The following EFNA5 variants were observed in gnomAD, a reference collection of about 807,000 sequenced individuals.
The protein encoded by EFNA5 is ephrin-A5.
EFNA5 carries 5 observed loss-of-function variants against 22.9 expected under a neutral mutation model. That is an observed-to-expected ratio of 0.22 (90% CI 0.11 to 0.46). EFNA5 has a LOEUF of 0.46. Among genes scored for constraint, EFNA5 ranks in the 20% least tolerant of loss-of-function variants. EFNA5 has a pLI of 0.99. For synonymous variants in EFNA5, 113 were observed against 112.2 expected, an observed-to-expected ratio of 1.01 and a Z score of -0.04; for missense variants, 237 against 293.3, an observed-to-expected ratio of 0.81 and a Z score of 1.40.
chr5:107,670,030 TA>T (rs67814628), intron 1 of EFNA5, among the ~76,000 whole-genome samples: 22,149 of 116,264 alleles, frequency 0.19, 2,016 homozygotes, highest in South Asian at 0.34. Context: ...AAATTAAAAT[TA>T]AAAAAAAAAA....
intron 1 of EFNA5, among the ~76,000 whole-genome samples, chr5:107,550,574 A>C (rs557890916): frequency 1.3e-5 from 2 of 152,334 alleles, no homozygotes; most frequent in South Asian, 2.1e-4. Context: ...GATACGATAT[A>C]TGTACTGTAC....
At chr5:107,643,234 G>A (rs946060225) in intron 1 of EFNA5, among the ~76,000 whole-genome samples, 1 of 152,108 alleles carries the variant, frequency 6.6e-6, no homozygotes, top group Admixed American at 6.5e-5. Context: ...GTGCAGGGGT[G>A]GGGGTCCCAT....
intron 1 of EFNA5, among the ~76,000 whole-genome samples, chr5:107,639,704 G>A (rs916385611): frequency 8.6e-5 from 13 of 152,034 alleles, no homozygotes; most frequent in Admixed American, 1.3e-4. Context: ...AAGAGCAAGC[G>A]TTACCAATTA....
chr5:107,616,430 C>A (rs1041704117), intron 1 of EFNA5, among the ~76,000 whole-genome samples: 4 of 152,230 alleles, frequency 2.6e-5, no homozygotes, highest in Non-Finnish European at 4.4e-5. Context: ...TAGCAGAGAG[C>A]AGCCTGGGAC....
chr5:107,660,308 ATATATATT>A (rs1750925957), intron 1 of EFNA5, among the ~76,000 whole-genome samples: 1 of 105,572 alleles, frequency 9.5e-6, no homozygotes, highest in African/African-American at 4.1e-5. Context: ...ATATATATAT[ATATATATT>A]TGGCAAGTGG....
intron 1 of EFNA5, among the ~76,000 whole-genome samples, chr5:107,441,594 T>C (rs889022005): frequency 1.1e-4 from 16 of 152,164 alleles, no homozygotes; most frequent in African/African-American, 3.9e-4. Context: ...AATTAGGAGC[T>C]GTGGGAGGTG....
At chr5:107,647,390 C>G (rs777569186) in intron 1 of EFNA5, among the ~76,000 whole-genome samples, 4 of 152,034 alleles carry the variant, frequency 2.6e-5, no homozygotes, top group Non-Finnish European at 5.9e-5. Flanking sequence ...AGCCCCATAA[C>G]TGGCATTGCA....
intron 1 of EFNA5, among the ~76,000 whole-genome samples, chr5:107,428,823 G>A (rs74422498): frequency 0.066 from 10,063 of 152,144 alleles, 443 homozygotes; most frequent in Non-Finnish European, 0.1. Context: ...CAGCATATCC[G>A]CTTCTGTGTA....
intron 1 of EFNA5, among the ~76,000 whole-genome samples, chr5:107,539,624 A>T (rs1038552055): frequency 1.3e-5 from 2 of 151,886 alleles, no homozygotes; most frequent in African/African-American, 4.8e-5. Flanking sequence ...ATGCCCGGCT[A>T]ATTTTTGTAT....
At chr5:107,558,144 C>T (rs1391556708) in intron 1 of EFNA5, among the ~76,000 whole-genome samples, 1 of 151,958 alleles carries the variant, frequency 6.6e-6, no homozygotes, top group African/African-American at 2.4e-5. Context: ...AAAATCTGAG[C>T]CCCAAAGAGA....
At chr5:107,501,287 T>C (rs1747128362) in intron 1 of EFNA5, among the ~76,000 whole-genome samples, 1 of 152,228 alleles carries the variant, frequency 6.6e-6, no homozygotes, top group South Asian at 2.1e-4. Context: ...GGATATTTCT[T>C]ACCTCCTGCA....
At chr5:107,438,605 AC>A (rs1749177204) in intron 1 of EFNA5, among the ~76,000 whole-genome samples, 1 of 152,164 alleles carries the variant, frequency 6.6e-6, no homozygotes, top group Non-Finnish European at 1.5e-5. Flanking sequence ...CACCTACCTG[AC>A]ATCCAGTCTC....
chr5:107,492,400 T>C (rs1179733170), intron 1 of EFNA5, among the ~76,000 whole-genome samples: 1 of 152,228 alleles, frequency 6.6e-6, no homozygotes, highest in Non-Finnish European at 1.5e-5. Flanking sequence ...TTACCTACTT[T>C]GACATTATAA....
chr5:107,505,623 C>T (rs189270170), intron 1 of EFNA5, among the ~76,000 whole-genome samples: 1 of 152,208 alleles, frequency 6.6e-6, no homozygotes, highest in Admixed American at 6.5e-5. Flanking sequence ...AAAATGTATG[C>T]AGTAATAGCA....
intron 1 of EFNA5, among the ~76,000 whole-genome samples, chr5:107,485,179 T>C (rs982045440): frequency 2.0e-5 from 3 of 152,232 alleles, no homozygotes; most frequent in African/African-American, 7.2e-5. Flanking sequence ...CTTTTCTGCA[T>C]CTCAACTTTT....
intron 1 of EFNA5, among the ~76,000 whole-genome samples, chr5:107,539,936 C>A (rs1748011977): frequency 6.6e-6 from 1 of 152,318 alleles, no homozygotes; most frequent in East Asian, 1.9e-4. Context: ...TGAAGTCACA[C>A]CTTAGCTGGT....
intron 1 of EFNA5, among the ~76,000 whole-genome samples, chr5:107,664,150 A>G (rs79128769): frequency 0.13 from 20,137 of 152,192 alleles, 1,577 homozygotes; most frequent in Non-Finnish European, 0.17. Flanking sequence ...AAATTTTTCA[A>G]TTAGAAAATA....
At chr5:107,542,659 C>T (rs998650870) in intron 1 of EFNA5, among the ~76,000 whole-genome samples, 2 of 152,140 alleles carry the variant, frequency 1.3e-5, no homozygotes, top group Middle Eastern at 3.2e-3. Context: ...AAACGCCACT[C>T]ACCTGGCTAT....
intron 1 of EFNA5, among the ~76,000 whole-genome samples, chr5:107,592,848 AG>A (rs1749405252): frequency 6.6e-6 from 1 of 152,172 alleles, no homozygotes; most frequent in African/African-American, 2.4e-5. Context: ...CAAGCCGGAG[AG>A]CCCACTGCCA....
Sources: allele counts gnomAD v4.1 joint callset (sites outside exome capture counted in the v4.1 genomes callset), GRCh38; gene constraint gnomAD v4.1.1; transcripts MANE v1.5; gene names NCBI Gene and HGNC (gene_info 2026-07-23, HGNC 2026-07-21).